The following NEDD9 variants were observed in gnomAD, a reference collection of about 807,000 sequenced individuals.
NEDD9 encodes neural precursor cell expressed, developmentally down-regulated 9.
In NEDD9, 26 loss-of-function variants were observed where a neutral mutation model predicts 76.6. The ratio of observed to expected loss-of-function variants is 0.34; its 90% CI spans 0.25 to 0.47. NEDD9 has a LOEUF of 0.47. Ranked by LOEUF, NEDD9 falls within the 20% of genes least tolerant of loss-of-function variation. The probability of loss-of-function intolerance (pLI) is 1.00; values close to 1 mark genes in which losing one functional copy is unlikely to be tolerated. For missense variants in NEDD9, 937 were observed against 1,058.5 expected, an observed-to-expected ratio of 0.89 and a Z score of 1.59; for synonymous variants, 392 against 414.2, an observed-to-expected ratio of 0.95 and a Z score of 0.65.
At chr6:11,292,707 G>C (rs1760804005) in intron 3 of NEDD9, among the ~76,000 whole-genome samples, 1 of 152,198 alleles carries the variant, frequency 6.6e-6, no homozygotes, top group Admixed American at 6.5e-5. Context: ...GCATGTTTTA[G>C]TTTTGGAATA....
intron 3 of NEDD9, among the ~76,000 whole-genome samples, chr6:11,278,443 G>A (rs1760463793): frequency 6.6e-6 from 1 of 152,136 alleles, no homozygotes. Flanking sequence ...TTGAACCTAG[G>A]TAATTGAGCT....
In NEDD9 at chr6:11,282,216, A is replaced by G. The variant is rs780543436; in HGVS notation, c.12+23776T>C. Among the ~76,000 whole-genome samples the G allele has an allele frequency of 6.6e-4, 101 of 152,360 alleles. 1 individual carries two copies. Among genetic ancestry groups the G allele is most frequent in the Non-Finnish European group, 1.2e-3 (80 of 68,030 alleles). Reference sequence around the variant, plus strand: ...ATAAATAGTAGAGATTAAAAACGCCATCTGAACCTCTCAGCGACTTTTGCT... The same window carrying G: ...ATAAATAGTAGAGATTAAAAACGCCGTCTGAACCTCTCAGCGACTTTTGCT... On this transcript the variant is annotated intron_variant, in intron 3 of 3. Coordinates refer to the NEDD9 transcript ENST00000397378.
At chr6:11,319,744 ACACACTAACATG>A (rs201869039) in intron 2 of NEDD9, among the ~76,000 whole-genome samples, 31,937 of 126,180 alleles carry the variant, frequency 0.25, 4,076 homozygotes, top group East Asian at 0.6. Context: ...ACATGCACAC[ACACACTAACATG>A]CACACTAACA....
chr6:11,246,834 T>C (rs888429074), intron 3 of NEDD9, among the ~76,000 whole-genome samples: 4 of 152,224 alleles, frequency 2.6e-5, no homozygotes, highest in Admixed American at 6.5e-5. Context: ...ACATGTTTCC[T>C]ATCCAACAGG....
intron 1 of NEDD9, among the ~76,000 whole-genome samples, chr6:11,367,972 T>C (rs1219828170): frequency 6.6e-6 from 1 of 152,228 alleles, no homozygotes; most frequent in Non-Finnish European, 1.5e-5. Flanking sequence ...CTCTTCAGTG[T>C]GGTCAGGGCT....
At chr6:11,366,396 G>T (rs1762769817) in intron 1 of NEDD9, among the ~76,000 whole-genome samples, 1 of 115,588 alleles carries the variant, frequency 8.7e-6, no homozygotes, top group Non-Finnish European at 1.9e-5. Flanking sequence ...GAGAGAGAGA[G>T]AAATAAAAGA....
chr6:11,196,127 AC>A (rs2113728299), intron 2 of NEDD9, among the ~76,000 whole-genome samples: 1 of 151,912 alleles, frequency 6.6e-6, no homozygotes, highest in South Asian at 2.1e-4. Context: ...ACACAGTGAA[AC>A]CCCATCTCTA....
At chr6:11,330,080 T>A (rs6925084) in intron 2 of NEDD9, among the ~76,000 whole-genome samples, 53,339 of 152,006 alleles carry the variant, frequency 0.35, 10,971 homozygotes, top group African/African-American at 0.58. Flanking sequence ...GTGACTGAGG[T>A]AGTGAGTTTT....
At chr6:11,281,689 G>T (rs1479982491) in intron 3 of NEDD9, among the ~76,000 whole-genome samples, 38 of 152,018 alleles carry the variant, frequency 2.5e-4, no homozygotes. Flanking sequence ...AAGAAATCTT[G>T]GTCCTTGATA....
chr6:11,334,158 G>A (rs976550312), intron 2 of NEDD9, among the ~76,000 whole-genome samples: 4 of 152,112 alleles, frequency 2.6e-5, no homozygotes, highest in African/African-American at 9.7e-5. Context: ...TATATAAAGT[G>A]GAAAAAGCTG....
chr6:11,224,764 G>A (rs1184059118), intron 1 of NEDD9, among the ~76,000 whole-genome samples: 2 of 152,166 alleles, frequency 1.3e-5, no homozygotes, highest in South Asian at 4.1e-4. Flanking sequence ...GGAGGCGGAG[G>A]GTGTTGGGGG....
chr6:11,348,319 T>C (rs1368294105), intron 1 of NEDD9, among the ~76,000 whole-genome samples: 1 of 152,176 alleles, frequency 6.6e-6, no homozygotes, highest in Admixed American at 6.5e-5. Context: ...TACTCATAGA[T>C]AGAAAGAATC....
chr6:11,213,487 T>TCTGCTGCATCAGTCCAGAGGCAGG lies in NEDD9; in HGVS notation c.229_252dup (p.Pro77_Gln84dup). On this transcript the variant is annotated inframe_insertion, in exon 2 of 7. Coordinates refer to ENST00000379446, the MANE Select transcript of NEDD9 (RefSeq NM_006403.4). The surrounding 1 kb of genome is among the most constrained non-coding windows in gnomAD (Gnocchi z 5.4). ...TGATAGAGCTTCTGTTGGCCAAAGG[T>TCTGCTGCATCAGTCCAGAGGCAGG]CTGCTGCATCAGTCCAGAGGCAGGC... The TCTGCTGCATCAGTCCAGAGGCAGG allele has an allele frequency of 6.2e-7, 1 of 1,614,098 alleles. No homozygotes were observed. Among genetic ancestry groups the TCTGCTGCATCAGTCCAGAGGCAGG allele is most frequent in the Non-Finnish European group, 8.5e-7 (1 of 1,180,012 alleles).
intron 1 of NEDD9, among the ~76,000 whole-genome samples, chr6:11,335,724 C>A (rs1762143378): frequency 1.3e-5 from 2 of 152,192 alleles, no homozygotes; most frequent in African/African-American, 2.4e-5. Flanking sequence ...AAACTTATTT[C>A]TCATTGGCAA....
chr6:11,371,827 T>A (rs1216201679), intron 1 of NEDD9, among the ~76,000 whole-genome samples: 2 of 148,276 alleles, frequency 1.3e-5, no homozygotes. Context: ...TTAAAGGCTG[T>A]TTTTTTTCTT....
intron 2 of NEDD9, among the ~76,000 whole-genome samples, chr6:11,328,218 CA>C (rs1211250045): frequency 1.3e-5 from 2 of 152,210 alleles, no homozygotes; most frequent in Middle Eastern, 3.2e-3. Flanking sequence ...CAGAGGAGGA[CA>C]CCACTTGCAT....
At chr6:11,246,764 C>A (rs1268870802) in intron 3 of NEDD9, among the ~76,000 whole-genome samples, 1 of 152,202 alleles carries the variant, frequency 6.6e-6, no homozygotes, top group East Asian at 1.9e-4. Context: ...AACCTCATTT[C>A]TTTCAAACAG....
intron 1 of NEDD9, among the ~76,000 whole-genome samples, chr6:11,348,921 A>G (rs1762411800): frequency 6.6e-6 from 1 of 152,238 alleles, no homozygotes; most frequent in African/African-American, 2.4e-5. Context: ...AAAATTGACA[A>G]ATGGGATCTA....
rs147831782 is a variant in NEDD9, at chr6:11,231,333, A to T, written c.12+1171T>A. Among the ~76,000 whole-genome samples, 298 of 152,368 alleles carry T rather than the reference A, an allele frequency of 2.0e-3. 1 individual carries two copies. The highest frequency in any genetic ancestry group is 3.4e-3 in the Non-Finnish European group (231 of 68,040). On this transcript the variant is annotated intron_variant, in intron 1 of 6. Transcript: ENST00000379446. Reference sequence around the variant, plus strand: ...TACTATAAAGACTTTTGACATTTAGACTTAAAGCTTTTGAATAAGATTCAT... The same window carrying T: ...TACTATAAAGACTTTTGACATTTAGTCTTAAAGCTTTTGAATAAGATTCAT...
Sources: allele counts gnomAD v4.1 joint callset (sites outside exome capture counted in the v4.1 genomes callset), GRCh38; gene constraint gnomAD v4.1.1; non-coding constraint Gnocchi (gnomAD v3.1); transcripts MANE v1.5; gene names NCBI Gene and HGNC (gene_info 2026-07-23, HGNC 2026-07-21).